The following NXN variants were observed in gnomAD, a reference collection of about 807,000 sequenced individuals.
The protein encoded by NXN is nucleoredoxin 1.
In NXN, 16 loss-of-function variants were observed where a neutral mutation model predicts 48.6. That is an observed-to-expected ratio of 0.33 (90% CI 0.22 to 0.50). The LOEUF (loss-of-function observed/expected upper bound fraction) is 0.50, where lower values mean the gene tolerates loss of function less well. Ranked by LOEUF, NXN falls within the 20% of genes least tolerant of loss-of-function variation. The pLI is 0.98. For missense variants in NXN, 492 were observed against 605.5 expected (o/e 0.81, Z 1.97); for synonymous variants, 281 against 269.6 (o/e 1.04, Z -0.41).
intron 1 of NXN, among the ~76,000 whole-genome samples, chr17:892,567 C>T (rs1159536495): frequency 7.1e-6 from 1 of 140,736 alleles, no homozygotes; most frequent in East Asian, 2.3e-4. Flanking sequence ...ACGCACCTGG[C>T]AAGTCAGTGT....
In NXN at chr17:978,013, T is replaced by G. The variant is rs1223464950; in HGVS notation, c.360+1306A>C. Among the ~76,000 whole-genome samples, 4 of 152,180 alleles carry G rather than the reference T, an allele frequency of 2.6e-5. No homozygotes were observed. The highest frequency in any genetic ancestry group is 5.9e-5 in the Non-Finnish European group (4 of 68,034). On this transcript the variant is annotated intron_variant, in intron 1 of 7. Transcript: ENST00000336868. This position sits in a 1 kb window ranked among gnomAD's most constrained non-coding sequence, Gnocchi z 4.1. ...ATACTTTAAATCTCGAATCTCTACC[T>G]CCCACTGCTTCGGGATGGATGATTT...
chr17:960,534 G>C (rs2150628251), intron 1 of NXN, among the ~76,000 whole-genome samples: 1 of 152,120 alleles, frequency 6.6e-6, no homozygotes, highest in Non-Finnish European at 1.5e-5. Context: ...TGGAGAGACA[G>C]GATCTCCCCA....
Position 808,162 on chromosome 17 carries a change from G to A in NXN, c.821-2915C>T, listed in dbSNP as rs908799576. ...GGACTGTCTTAACCAGGGCGGGGAA[G>A]TCCTGTACCTGCAGCTTTCTGCACC... On this transcript the variant is annotated intron_variant, in intron 5 of 7. Coordinates refer to ENST00000336868, the MANE Select transcript of NXN (RefSeq NM_022463.5). Among the ~76,000 whole-genome samples the A allele has an allele frequency of 3.9e-5, 6 of 152,270 alleles. No individual in the cohort carries two copies. In the East Asian group the frequency reaches 5.8e-4, roughly 15 times the overall value.
At chr17:832,291 C>T (rs1021087874) in intron 1 of NXN, among the ~76,000 whole-genome samples, 1 of 151,970 alleles carries the variant, frequency 6.6e-6, no homozygotes, top group Admixed American at 6.5e-5. Flanking sequence ...CATTCTCCTG[C>T]CTCAGCCTCC....
chr17:843,710 A>G lies in NXN; in HGVS notation c.361-17632T>C, dbSNP rs1017449697. On this transcript the variant is annotated intron_variant, in intron 1 of 7. Transcript: ENST00000336868. ...GTTTCTGTGGCTTGCAGCCTTGTGG[A>G]TCTCCCTGCTGACATTACTAGGAAA... Among the ~76,000 whole-genome samples the G allele has an allele frequency of 5.3e-5, 8 of 152,208 alleles. No individual in the cohort carries two copies. The East Asian group carries it at 5.8e-4, about 11-fold the overall frequency.
At position 954,735 on chromosome 17, in the gene NXN, C is replaced by T. The variant is rs76473453; in HGVS notation, c.360+24584G>A. 2.7e-3 allele frequency among the ~76,000 whole-genome samples: 410 copies of T among 152,330 alleles called. 2 individuals carry two copies. The highest frequency in any genetic ancestry group is 9.5e-3 in the African/African-American group (393 of 41,574). ...CGAGCCTCCTCTCCTTCCCTGATGG[C>T]CCAACAGGAAAAAGTACTGTGGCTG... On this transcript the variant is annotated intron_variant, in intron 1 of 7. Coordinates refer to ENST00000336868, the MANE Select transcript of NXN (RefSeq NM_022463.5).
At chr17:834,920 G>A (rs1913706499) in intron 1 of NXN, among the ~76,000 whole-genome samples, 1 of 149,646 alleles carries the variant, frequency 6.7e-6, no homozygotes, top group Non-Finnish European at 1.5e-5. Flanking sequence ...TGACAGGCGT[G>A]AGCCACCACG....
chr17:813,683 G>A (rs886265374), intron 5 of NXN, among the ~76,000 whole-genome samples: 4 of 152,024 alleles, frequency 2.6e-5, no homozygotes, highest in Admixed American at 1.3e-4. Context: ...AAGAGACTAC[G>A]GCCGGCCGGG....
chr17:845,888 C>T (rs2067854525), intron 1 of NXN, among the ~76,000 whole-genome samples: 1 of 151,912 alleles, frequency 6.6e-6, no homozygotes, highest in African/African-American at 2.4e-5. Context: ...CATGGCAAAA[C>T]CCCGTCTCTA....
At chr17:803,143 G>C (rs993208953) in intron 7 of NXN, among the ~76,000 whole-genome samples, 2 of 152,206 alleles carry the variant, frequency 1.3e-5, no homozygotes, top group African/African-American at 4.8e-5. Context: ...ACCCTGTGAA[G>C]AGTCTCCTGC....
chr17:904,341 G>C (rs2068564190), intron 1 of NXN, among the ~76,000 whole-genome samples: 1 of 152,152 alleles, frequency 6.6e-6, no homozygotes, highest in African/African-American at 2.4e-5. Flanking sequence ...GTTTTATGGT[G>C]CCCCGTGGCC....
At chr17:843,328 T>C (rs892226528) in intron 1 of NXN, among the ~76,000 whole-genome samples, 7 of 152,230 alleles carry the variant, frequency 4.6e-5, no homozygotes, top group Non-Finnish European at 4.4e-5. Context: ...CCTGCCCTCA[T>C]GGCTCCGCGA....
chr17:950,743 C>T lies in NXN; in HGVS notation c.360+28576G>A, dbSNP rs78169794. ...CAGAGGATGCCACCGAGTGGACGGACGTGAGCAGGACCACAGAGACAACCC... is the reference window on the plus strand; with the variant it reads ...CAGAGGATGCCACCGAGTGGACGGATGTGAGCAGGACCACAGAGACAACCC... On this transcript the variant is annotated intron_variant, in intron 1 of 7. Transcript: ENST00000336868. Among the ~76,000 whole-genome samples the T allele has an allele frequency of 7.0e-3, 1,061 of 152,142 alleles. 16 individuals carry two copies. Among genetic ancestry groups the T allele is most frequent in the African/African-American group, 0.024 (1,016 of 41,516 alleles).
intron 1 of NXN, among the ~76,000 whole-genome samples, chr17:972,614 C>G (rs2069399322): frequency 6.6e-6 from 1 of 152,216 alleles, no homozygotes; most frequent in Non-Finnish European, 1.5e-5. Flanking sequence ...TGATCACTGT[C>G]AGGAAAAAGG....
At chr17:843,053 AAAG>A (rs1289214335) in intron 1 of NXN, among the ~76,000 whole-genome samples, 162 of 117,260 alleles carry the variant, frequency 1.4e-3, no homozygotes, top group African/African-American at 5.7e-3. Flanking sequence ...AGAAAGAAAG[AAAG>A]AAGGAAGAAA....
chr17:966,025 AGAAT>A (rs2069298535), intron 1 of NXN, among the ~76,000 whole-genome samples: 1 of 151,910 alleles, frequency 6.6e-6, no homozygotes, highest in South Asian at 2.1e-4. Context: ...CTGAGGCAAG[AGAAT>A]CACTTGAACC....
rs199962249 is a variant in NXN at position 886,939 on chromosome 17, A to AT, written c.361-60862dup. On this transcript the variant is annotated intron_variant, in intron 1 of 7. Coordinates refer to ENST00000336868, the MANE Select transcript of NXN (RefSeq NM_022463.5). Reference sequence around the variant, plus strand: ...CAAACTTTTATTTTGTTATTTATTTATTTTTTTTCAGATCCAGGCTGGAGT... The same window carrying AT: ...CAAACTTTTATTTTGTTATTTATTTATTTTTTTTTCAGATCCAGGCTGGAGT... Among the ~76,000 whole-genome samples, 1,136 of 151,810 alleles carry AT rather than the reference A, an allele frequency of 7.5e-3. 10 individuals are homozygous for AT. Among genetic ancestry groups the AT allele is most frequent in the Non-Finnish European group, 0.01 (684 of 67,898 alleles).
Position 932,130 on chromosome 17 carries a change from C to T in NXN, c.360+47189G>A, listed in dbSNP as rs984086647. ...CTGCACTCCAGCCTGGGCAATAGAG[C>T]AAGACCCTATCTCAAAAATAAAACA... On this transcript the variant is annotated intron_variant, in intron 1 of 7. Transcript: ENST00000336868. The surrounding 1 kb of genome is among the most constrained non-coding windows in gnomAD (Gnocchi z 4.1). Among the ~76,000 whole-genome samples the T allele has an allele frequency of 6.6e-6, 1 of 152,096 alleles. No individual in the cohort carries two copies. The highest frequency in any genetic ancestry group is 1.5e-5 in the Non-Finnish European group (1 of 68,032).
intron 1 of NXN, among the ~76,000 whole-genome samples, chr17:951,551 T>G (rs975081537): frequency 2.1e-4 from 5 of 23,884 alleles, no homozygotes; most frequent in Non-Finnish European, 3.1e-4. Flanking sequence ...ATTTTAAAAA[T>G]GCGAGCTGGG....
Sources: allele counts gnomAD v4.1 joint callset (sites outside exome capture counted in the v4.1 genomes callset), GRCh38; gene constraint gnomAD v4.1.1; non-coding constraint Gnocchi (gnomAD v3.1); transcripts MANE v1.5; gene names NCBI Gene and HGNC (gene_info 2026-07-23, HGNC 2026-07-21).